Variants in NAV1 observed in about 807,000 individuals in gnomAD.
The protein encoded by NAV1 is pore membrane and/or filament interacting like protein 3.
Under a neutral mutation model 175.2 loss-of-function variants are expected in NAV1, and 18 were observed. That is an observed-to-expected ratio of 0.10 (90% CI 0.07 to 0.15). The LOEUF is 0.15. Among genes scored for constraint, NAV1 ranks in the 10% least tolerant of loss-of-function variants. The pLI, the probability that NAV1 is intolerant of heterozygous loss-of-function variation, is 1.00. For synonymous variants in NAV1, 897 were observed against 978.7 expected, an observed-to-expected ratio of 0.92 and a Z score of 1.56; for missense variants, 1,731 against 2,436.6, an observed-to-expected ratio of 0.71 and a Z score of 6.10.
intron 1 of NAV1, among the ~76,000 whole-genome samples, chr1:201,626,706 C>T (rs1309252834): frequency 6.6e-6 from 1 of 152,248 alleles, no homozygotes; most frequent in Non-Finnish European, 1.5e-5. Context: ...TAACCCCCAA[C>T]AGTTCTCTTC....
intron 2 of NAV1, among the ~76,000 whole-genome samples, chr1:201,617,865 G>A (rs961259729): frequency 2.0e-5 from 3 of 152,164 alleles, no homozygotes; most frequent in Admixed American, 2.0e-4. Flanking sequence ...TATTCAATCT[G>A]CTCAGACAGA....
intron 2 of NAV1, among the ~76,000 whole-genome samples, chr1:201,635,117 C>T (rs1170845207): frequency 6.6e-6 from 1 of 152,134 alleles, no homozygotes; most frequent in Non-Finnish European, 1.5e-5. Flanking sequence ...CAGCTCACTG[C>T]AAGCTCCGCC....
chr1:201,642,167 C>CCCTT (rs1553246977), intron 2 of NAV1, among the ~76,000 whole-genome samples: 14 of 116,444 alleles, frequency 1.2e-4, no homozygotes, highest in South Asian at 2.5e-4. Context: ...TCTCTCCCCT[C>CCCTT]CCTTCCTTCC....
At position 201,812,190 on chromosome 1, in the gene NAV1, A is replaced by G. The variant is rs1456694748; in HGVS notation, c.5024+216A>G. Among the ~76,000 whole-genome samples, 5 of 152,254 alleles carry G rather than the reference A, an allele frequency of 3.3e-5. No homozygotes were observed. Among genetic ancestry groups the G allele is most frequent in the Non-Finnish European group, 2.9e-5 (2 of 68,048 alleles). On this transcript the variant is annotated intron_variant, in intron 26 of 29. Transcript: ENST00000367296. The surrounding 1 kb of genome is among the most constrained non-coding windows in gnomAD (Gnocchi z 4.6). ...CTGCTAAGCTAAGAGAGAGCCAGGT[A>G]GGTTGCTCTAAGCAGAATTAGGATT...
intron 1 of NAV1, among the ~76,000 whole-genome samples, chr1:201,668,701 T>G (rs1243596511): frequency 1.3e-5 from 2 of 152,026 alleles, no homozygotes; most frequent in Non-Finnish European, 2.9e-5. Flanking sequence ...ACCTCTGTAG[T>G]GTATAAAATT....
At chr1:201,754,316 G>A (rs917832090) in intron 3 of NAV1, among the ~76,000 whole-genome samples, 3 of 152,178 alleles carry the variant, frequency 2.0e-5, no homozygotes, top group Non-Finnish European at 4.4e-5. Context: ...AGACCAAAGT[G>A]TAAAAGGTGG....
chr1:201,666,932 G>A (rs977166572), intron 1 of NAV1, among the ~76,000 whole-genome samples: 1 of 152,078 alleles, frequency 6.6e-6, no homozygotes, highest in Non-Finnish European at 1.5e-5. Context: ...AAAAAAACAA[G>A]AGCCAAGAAT....
Position 201,780,925 on chromosome 1 carries a change from A to T in NAV1, c.1366-87A>T, listed in dbSNP as rs1165004572. ...TTAATACTCTGAGATGAGCAGCGCC[A>T]GGTACTAACTAAAATCAATCCTGTC... is the stretch of plus-strand genomic sequence containing the variant. On this transcript the variant is annotated intron_variant, in intron 4 of 29. Coordinates refer to ENST00000367296, the Ensembl canonical transcript of NAV1. The T allele has an allele frequency of 3.5e-6, 5 of 1,413,220 alleles. No homozygotes were observed. The East Asian group carries it at 1.2e-4, about 33-fold the overall frequency. 87.5% of individuals were successfully genotyped at this position (1,413,220 alleles called of 1,614,324 possible).
At chr1:201,743,460 T>C (rs1015485111) in intron 3 of NAV1, among the ~76,000 whole-genome samples, 23 of 152,240 alleles carry the variant, frequency 1.5e-4, no homozygotes, top group Non-Finnish European at 1.6e-4. Context: ...AGAGATTGCA[T>C]AGCCTCTAGC....
intron 2 of NAV1, among the ~76,000 whole-genome samples, chr1:201,631,098 G>A (rs1397892917): frequency 6.6e-6 from 1 of 152,208 alleles, no homozygotes; most frequent in Non-Finnish European, 1.5e-5. Flanking sequence ...GGAACATTTG[G>A]AGGAGGGTTT....
chr1:201,713,335 T>C (rs1671991486), intron 2 of NAV1, among the ~76,000 whole-genome samples: 1 of 152,190 alleles, frequency 6.6e-6, no homozygotes, highest in Non-Finnish European at 1.5e-5. Flanking sequence ...AATTCCCTTC[T>C]CAACACCTGG....
At chr1:201,735,908 G>A (rs1351707766) in intron 3 of NAV1, among the ~76,000 whole-genome samples, 1 of 152,180 alleles carries the variant, frequency 6.6e-6, no homozygotes, top group Non-Finnish European at 1.5e-5. Context: ...CCACAGTATG[G>A]AAAGGGTTAA....
intron 1 of NAV1, among the ~76,000 whole-genome samples, chr1:201,685,772 C>T (rs767246143): frequency 3.3e-5 from 5 of 152,180 alleles, no homozygotes; most frequent in Admixed American, 6.5e-5. Context: ...GTCCAGGAAA[C>T]ATAGCCAGCT....
intron 1 of NAV1, among the ~76,000 whole-genome samples, chr1:201,556,483 A>AGGACAGTGGGG (rs575645069): frequency 3.8e-4 from 57 of 151,860 alleles, no homozygotes; most frequent in Admixed American, 3.0e-3. Flanking sequence ...GTAATAGCTC[A>AGGACAGTGGGG]GGACAGTGGG....
chr1:201,782,057 C>A lies in NAV1; in HGVS notation c.1664-119C>A. On this transcript the variant is annotated intron_variant, in intron 5 of 29. Transcript: ENST00000367296. The surrounding 1 kb of genome is among the most constrained non-coding windows in gnomAD (Gnocchi z 5.4). The stretch of plus-strand genomic sequence containing the variant: ...TTGTACCTGTTTACCCAAATTTAGG[C>A]CTCTAAAAGTCTACAATACATGGAC... 2.3e-6 allele frequency: 2 copies of A among 855,392 alleles called. No homozygotes were observed. Among genetic ancestry groups the A allele is most frequent in the Non-Finnish European group, 3.5e-6 (2 of 564,394 alleles). 53.0% of individuals were successfully genotyped at this position (855,392 alleles called of 1,614,324 possible). A position where few individuals can be genotyped will look rare whatever the true frequency, so the allele number is the denominator to read the frequency against.
chr1:201,571,148 C>T (rs1666530572), intron 1 of NAV1, among the ~76,000 whole-genome samples: 1 of 152,154 alleles, frequency 6.6e-6, no homozygotes, highest in Non-Finnish European at 1.5e-5. Context: ...GCCCTGGCTC[C>T]TGGATCTCTG....
At chr1:201,649,485 A>T in intron 1 of NAV1, 60 bp downstream of exon 5, 1 of 1,389,864 alleles carries the variant, frequency 7.2e-7, no homozygotes, top group Non-Finnish European at 9.3e-7. Flanking sequence ...GCTGCTGGGG[A>T]AGGTGTGGGG....
chr1:201,749,884 C>T (rs2102592081), intron 3 of NAV1, among the ~76,000 whole-genome samples: 1 of 152,152 alleles, frequency 6.6e-6, no homozygotes, highest in Admixed American at 6.5e-5. Flanking sequence ...AGCTGAGCAA[C>T]AGAGCAATTC....
rs1678342378 is a variant in NAV1, at chr1:201,807,120, G to T, written c.3649-833G>T. On this transcript the variant is annotated intron_variant, in intron 17 of 29. Transcript: ENST00000367296. The surrounding 1 kb of genome is among the most constrained non-coding windows in gnomAD (Gnocchi z 5.4). ...GTGGATGGGTATGGGACAGGACCCT[G>T]GTTTGCATCTCTAGCTCACATCCCT... Among the ~76,000 whole-genome samples the T allele has an allele frequency of 6.6e-6, 1 of 151,924 alleles. No individual in the cohort carries two copies. Among genetic ancestry groups the T allele is most frequent in the Admixed American group, 6.6e-5 (1 of 15,236 alleles).
Sources: allele counts gnomAD v4.1 joint callset (sites outside exome capture counted in the v4.1 genomes callset), GRCh38; gene constraint gnomAD v4.1.1; non-coding constraint Gnocchi (gnomAD v3.1); transcripts MANE v1.5; gene names NCBI Gene and HGNC (gene_info 2026-07-23, HGNC 2026-07-21).